The following CARMIL1 variants were observed in gnomAD, a reference collection of about 807,000 sequenced individuals.
CARMIL1 encodes the protein F-actin-uncapping protein LRRC16A.
A neutral mutation model predicts 177.1 loss-of-function variants in CARMIL1; 90 were observed. That is an observed-to-expected ratio of 0.51 (90% CI 0.43 to 0.61). The LOEUF (loss-of-function observed/expected upper bound fraction) is 0.61, where lower values mean the gene tolerates loss of function less well. Among genes scored for constraint, CARMIL1 ranks in the 20% least tolerant of loss-of-function variants. CARMIL1 has a pLI of 0.00. For synonymous variants in CARMIL1, 577 were observed against 606.2 expected (o/e 0.95, Z 0.71); for missense variants, 1,380 against 1,667.0 (o/e 0.83, Z 3.00).
chr6:25,295,267 A>G (rs1782293718), intron 2 of CARMIL1, among the ~76,000 whole-genome samples: 1 of 152,164 alleles, frequency 6.6e-6, no homozygotes, highest in Admixed American at 6.5e-5. Flanking sequence ...ATTTTGTGGT[A>G]TACTTTTAAA....
At chr6:25,421,466 T>C (rs374501020) in intron 3 of CARMIL1, among the ~76,000 whole-genome samples, 10 of 152,174 alleles carry the variant, frequency 6.6e-5, no homozygotes, top group South Asian at 4.1e-4. Context: ...GTCAGTGTGG[T>C]GATTCCTCAG....
intron 2 of CARMIL1, among the ~76,000 whole-genome samples, chr6:25,290,369 CTTT>C (rs910242856): frequency 2.1e-5 from 2 of 95,358 alleles, no homozygotes; most frequent in African/African-American, 4.0e-5. Flanking sequence ...TGCTGGGATT[CTTT>C]TTTTTTTTTT....
chr6:25,468,605 T>G (rs553708129), intron 9 of CARMIL1, among the ~76,000 whole-genome samples: 59 of 152,354 alleles, frequency 3.9e-4, no homozygotes, highest in African/African-American at 1.2e-3. Flanking sequence ...CTGTTGGAAT[T>G]ATCACATTAT....
chr6:25,596,850 GACACACAC>G (rs34651019), intron 32 of CARMIL1, among the ~76,000 whole-genome samples: 1 of 149,056 alleles, frequency 6.7e-6, no homozygotes, highest in Non-Finnish European at 1.5e-5. Flanking sequence ...CAAACACACA[GACACACAC>G]ACACACACAC....
intron 2 of CARMIL1, among the ~76,000 whole-genome samples, chr6:25,372,937 G>T (rs572305554): frequency 6.6e-6 from 1 of 152,056 alleles, no homozygotes; most frequent in South Asian, 2.1e-4. Flanking sequence ...AGTTTGTTGA[G>T]AATTTTTATC....
At chr6:25,364,776 G>A (rs1189113790) in intron 2 of CARMIL1, among the ~76,000 whole-genome samples, 1 of 152,146 alleles carries the variant, frequency 6.6e-6, no homozygotes, top group Non-Finnish European at 1.5e-5. Context: ...TGTTGGCCAG[G>A]CTTGTCTTGA....
intron 2 of CARMIL1, among the ~76,000 whole-genome samples, chr6:25,351,328 C>A (rs1788083615): frequency 6.6e-6 from 1 of 152,136 alleles, no homozygotes; most frequent in South Asian, 2.1e-4. Context: ...AAGGTACTTT[C>A]ATCTTTTTAA....
intron 28 of CARMIL1, among the ~76,000 whole-genome samples, chr6:25,555,382 T>TATTC (rs61571019): frequency 0.067 from 10,036 of 150,324 alleles, 650 homozygotes; most frequent in African/African-American, 0.16. Context: ...AGCAATAGAG[T>TATTC]ATTCATTCAT....
chr6:25,293,163 A>G (rs1435590158), intron 2 of CARMIL1, among the ~76,000 whole-genome samples: 3 of 151,490 alleles, frequency 2.0e-5, no homozygotes, highest in African/African-American at 7.3e-5. Flanking sequence ...CATTGTCTAA[A>G]TCTTTACGTT....
chr6:25,435,582 A>G lies in CARMIL1; in HGVS notation c.349A>G (p.Ile117Val), dbSNP rs772478208. The change falls in exon 5 of 37, where the codon ATA (isoleucine) becomes GTA (valine). Residue 117 changes from isoleucine to valine, a missense_variant. Coordinates refer to ENST00000329474, the MANE Select transcript of CARMIL1 (RefSeq NM_017640.6). ...LAHIGTCLRK[I>V]FPGLSPVRIM... ...TCACATAGGCACCTGCCTGAGGAAGATATTTCCTGGCCTCTCTCCAGTGTG... is the reference window on the plus strand; with the variant it reads ...TCACATAGGCACCTGCCTGAGGAAGGTATTTCCTGGCCTCTCTCCAGTGTG... 3.2e-6 allele frequency: 5 copies of G among 1,573,552 alleles called. No homozygotes were observed. The highest frequency in any genetic ancestry group is 3.5e-6 in the Non-Finnish European group (4 of 1,158,304).
rs1158319179 is a variant in CARMIL1, at chr6:25,378,256, G to A, written c.139-41858G>A. On this transcript the variant is annotated intron_variant, in intron 2 of 36. Coordinates refer to ENST00000329474, the MANE Select transcript of CARMIL1 (RefSeq NM_017640.6). ...TAGCCACAGTGTACCACTAGCAGCAGCTAGCTGGGTTTCAGACAGTTGACA... is the reference window on the plus strand; with the variant it reads ...TAGCCACAGTGTACCACTAGCAGCAACTAGCTGGGTTTCAGACAGTTGACA... Among the ~76,000 whole-genome samples, 6 of 152,228 alleles carry A rather than the reference G, an allele frequency of 3.9e-5. 1 individual carries two copies.
At chr6:25,531,430 G>T (rs1263737985) in intron 24 of CARMIL1, among the ~76,000 whole-genome samples, 2 of 152,300 alleles carry the variant, frequency 1.3e-5, no homozygotes, top group African/African-American at 4.8e-5. Flanking sequence ...ATGTAAAAGG[G>T]TGTTCATCAC....
At chr6:25,310,987 C>T (rs1783771985) in intron 2 of CARMIL1, among the ~76,000 whole-genome samples, 1 of 151,912 alleles carries the variant, frequency 6.6e-6, no homozygotes, top group African/African-American at 2.4e-5. Context: ...TTGAGACCAG[C>T]CTGGCCAACA....
chr6:25,505,901 A>C (rs987707858), intron 17 of CARMIL1, among the ~76,000 whole-genome samples: 11 of 152,242 alleles, frequency 7.2e-5, no homozygotes, highest in African/African-American at 2.7e-4. Context: ...TGCAAAGGGC[A>C]ATTAATTATA....
intron 12 of CARMIL1, among the ~76,000 whole-genome samples, chr6:25,487,966 C>T (rs113525329): frequency 0.017 from 2,660 of 152,274 alleles, 53 homozygotes; most frequent in African/African-American, 0.048. Flanking sequence ...TACAGATCAT[C>T]TCCTCATTCT....
At chr6:25,538,659 C>A (rs1364433633) in intron 25 of CARMIL1, among the ~76,000 whole-genome samples, 1 of 152,080 alleles carries the variant, frequency 6.6e-6, no homozygotes, top group African/African-American at 2.4e-5. Flanking sequence ...CCTGTAATTT[C>A]CTGAGTGACA....
chr6:25,310,823 A>G (rs144561255), intron 2 of CARMIL1, among the ~76,000 whole-genome samples: 213 of 152,346 alleles, frequency 1.4e-3, no homozygotes, highest in Non-Finnish European at 1.7e-3. Context: ...AGATTGCACT[A>G]AATTCTGGGA....
intron 2 of CARMIL1, among the ~76,000 whole-genome samples, chr6:25,344,599 T>C (rs546351092): frequency 2.7e-4 from 41 of 152,324 alleles, no homozygotes; most frequent in African/African-American, 9.6e-4. Flanking sequence ...GTGTTTCCAC[T>C]GTCTCTTCAT....
intron 2 of CARMIL1, among the ~76,000 whole-genome samples, chr6:25,397,744 G>A (rs575864702): frequency 5.3e-5 from 8 of 152,090 alleles, no homozygotes; most frequent in Middle Eastern, 3.4e-3. Context: ...TCTTCCTTGG[G>A]ACATCATCTC....
Sources: gnomAD v4.1 joint callset for allele counts (sites outside exome capture counted in the v4.1 genomes callset) on GRCh38, gnomAD v4.1.1 for gene constraint, MANE v1.5 for transcripts, NCBI Gene and HGNC (gene_info 2026-07-23, HGNC 2026-07-21) for gene names.